Variants in POLR1A observed in about 807,000 individuals in gnomAD.
The protein encoded by POLR1A is DNA-directed RNA polymerase I subunit RPA1.
POLR1A carries 84 observed loss-of-function variants against 205.3 expected under a neutral mutation model. The ratio of observed to expected loss-of-function variants is 0.41; its 90% CI spans 0.34 to 0.49. The LOEUF (loss-of-function observed/expected upper bound fraction) is 0.49, where lower values mean the gene tolerates loss of function less well. POLR1A is among the 20% of genes least tolerant of loss of function. The probability of loss-of-function intolerance (pLI) is 0.22; values close to 1 mark genes in which losing one functional copy is unlikely to be tolerated. For synonymous variants in POLR1A, 799 were observed against 863.7 expected (o/e 0.93, Z 1.31); for missense variants, 1,645 against 2,204.5 (o/e 0.75, Z 5.08).
At chr2:86,084,893 C>T (rs1361050553) in intron 6 of POLR1A, among the ~76,000 whole-genome samples, 3 of 152,130 alleles carry the variant, frequency 2.0e-5, no homozygotes, top group Non-Finnish European at 4.4e-5. Context: ...AAATCCCTAA[C>T]TTGGAGAACA....
Position 86,024,181 on chromosome 2 carries a change from A to G in POLR1A, c.*3242T>C. The G allele has an allele frequency of 5.6e-6, 1 of 179,382 alleles. No homozygotes were observed. Among genetic ancestry groups the G allele is most frequent in the Non-Finnish European group, 1.2e-5 (1 of 84,022 alleles). The allele number at this position is 179,382 out of a possible 1,614,324, so 11.1% of individuals were successfully genotyped here. On this transcript the variant is annotated 3_prime_UTR_variant, in exon 34 of 34. Coordinates refer to ENST00000263857, the MANE Select transcript of POLR1A (RefSeq NM_015425.6). Reference sequence around the variant, plus strand: ...CACATGAGGAGGTATCAGCAGCCTCAAGCAAGAAGGCAATTCTGACACATG... The same window carrying G: ...CACATGAGGAGGTATCAGCAGCCTCGAGCAAGAAGGCAATTCTGACACATG...
Position 86,028,546 on chromosome 2 carries a change from C to A in POLR1A, c.4897+48G>T. The A allele has an allele frequency of 7.2e-7, 1 of 1,394,966 alleles. No homozygotes were observed. Among genetic ancestry groups the A allele is most frequent in the Non-Finnish European group, 1.0e-6 (1 of 980,028 alleles). 86.4% of individuals were successfully genotyped at this position (1,394,966 alleles called of 1,614,324 possible). ...ACCCTCCTGCCGAGCCTTCTGGTGT[C>A]CTGGCTGGTGCCCAGACCTCGGGGT... On this transcript the variant is annotated intron_variant, in intron 32 of 33. Coordinates refer to ENST00000263857, the MANE Select transcript of POLR1A (RefSeq NM_015425.6). This position sits in a 1 kb window ranked among gnomAD's most constrained non-coding sequence, Gnocchi z 4.5.
At chr2:86,081,065 A>C in intron 8 of POLR1A, 87 bp from the exon 9 acceptor site, 2 of 1,225,188 alleles carry the variant, frequency 1.6e-6, no homozygotes, top group Non-Finnish European at 2.3e-6. Flanking sequence ...TACTGTAGGG[A>C]GCACACCCCA....
intron 6 of POLR1A, 110 bp downstream of exon 6, chr2:86,088,456 C>G: frequency 5.5e-6 from 4 of 726,414 alleles, no homozygotes; most frequent in Non-Finnish European, 9.4e-6. Context: ...CTGCTGGCCC[C>G]TCCCAAATGC....
chr2:86,097,451 T>C (rs1255172150), intron 3 of POLR1A, among the ~76,000 whole-genome samples: 30 of 152,164 alleles, frequency 2.0e-4, no homozygotes, highest in Non-Finnish European at 4.0e-4. Context: ...CCCATGGTTA[T>C]TGCAGCACTA....
chr2:86,101,093 C>T (rs952495070), intron 1 of POLR1A, among the ~76,000 whole-genome samples: 5 of 152,174 alleles, frequency 3.3e-5, no homozygotes, highest in Admixed American at 2.0e-4. Context: ...TTAGTCAAAC[C>T]TTAAAAAAGG....
At chr2:86,060,433 A>G (rs1672973975) in intron 14 of POLR1A, among the ~76,000 whole-genome samples, 1 of 152,192 alleles carries the variant, frequency 6.6e-6, no homozygotes, top group African/African-American at 2.4e-5. Context: ...AAAGCTGTAG[A>G]CTTTTACTAT....
At position 86,032,270 on chromosome 2, in the gene POLR1A, ACCT is replaced by A. The variant is rs1038600974; in HGVS notation, c.4271_4272+1del. 7 of 1,595,612 alleles carry A rather than the reference ACCT, an allele frequency of 4.4e-6. No individual in the cohort carries two copies. The highest frequency in any genetic ancestry group is 1.3e-5 in the African/African-American group (1 of 74,506). The stretch of plus-strand genomic sequence containing the variant: ...TCCTTCACCCCACACAGGGTCTCTC[ACCT>A]CCTCCTCCTGCTTCTCCTTGCGTTT... On this transcript the variant is annotated splice_donor_variant and coding_sequence_variant, in exon 29 of 34. Transcript: ENST00000263857. LOFTEE classifies it high-confidence loss of function.
chr2:86,065,498 G>GTC (rs1156402726), intron 13 of POLR1A, 33 bp from the exon 14 acceptor site: 1 of 1,584,238 alleles, frequency 6.3e-7, no homozygotes, highest in South Asian at 1.1e-5. Context: ...CAAGAAGAAT[G>GTC]AAAATAAATC....
At chr2:86,047,460 C>T (rs1286707246) in intron 18 of POLR1A, among the ~76,000 whole-genome samples, 197 bp from the exon 19 acceptor site, 2 of 152,246 alleles carry the variant, frequency 1.3e-5, no homozygotes, top group African/African-American at 4.8e-5. Context: ...CAAACAGGTG[C>T]TCCCTGCCCT....
chr2:86,083,204 C>A, intron 6 of POLR1A, 36 bp from the exon 7 acceptor site: 1 of 1,398,472 alleles, frequency 7.2e-7, no homozygotes, highest in South Asian at 1.2e-5. Context: ...TGCAATAAAT[C>A]AGAAACAGGT....
At chr2:86,033,858 T>G (rs1672446799) in intron 27 of POLR1A, 71 bp from the exon 28 acceptor site, 2 of 1,571,434 alleles carry the variant, frequency 1.3e-6, no homozygotes, top group Non-Finnish European at 1.7e-6. Flanking sequence ...ATTTGGGGGA[T>G]AGGACGCTGA....
In POLR1A at chr2:86,065,374, T is replaced by C. The variant is rs1673068719; in HGVS notation, c.1958A>G (p.Tyr653Cys). The change falls in exon 14 of 34, where the codon TAT becomes TGT. Residue 653 changes from tyrosine (Y) to cysteine (C), a missense_variant. By Grantham distance (194) the Tyr-to-Cys change is radical. This residue lies in a region of POLR1A where 339 missense variants were observed against 415.1 expected (regional missense o/e 0.82). Coordinates refer to ENST00000263857, the MANE Select transcript of POLR1A (RefSeq NM_015425.6). ...TRGCFFTREH[Y>C]MELVYRGLTD... Reference sequence around the variant, plus strand: ...GAGTCCTCGGTACACCAGCTCCATATAGTGCTCCCGGGTGAAAAAGCAACC... The same window carrying C: ...GAGTCCTCGGTACACCAGCTCCATACAGTGCTCCCGGGTGAAAAAGCAACC... The C allele has an allele frequency of 6.2e-7, 1 of 1,614,180 alleles. No homozygotes were observed. The highest frequency in any genetic ancestry group is 8.5e-7 in the Non-Finnish European group (1 of 1,180,020).
Position 86,023,213 on chromosome 2 carries a change from G to A in POLR1A, c.*4210C>T, listed in dbSNP as rs776008103. 7 of 152,246 alleles carry A rather than the reference G, an allele frequency of 4.6e-5. No homozygotes were observed. Among genetic ancestry groups the A allele is most frequent in the Admixed American group, 1.3e-4 (2 of 15,276 alleles). 9.4% of individuals were successfully genotyped at this position (152,246 alleles called of 1,614,324 possible). ...TTGAAGTAAAACTGCACCAGGGTCA[G>A]GAGACCTGCGGTAGGCCCAGCAACT... On this transcript the variant is annotated 3_prime_UTR_variant, in exon 34 of 34. Transcript: ENST00000263857.
intron 14 of POLR1A, among the ~76,000 whole-genome samples, chr2:86,059,845 C>T (rs1024004772): frequency 1.3e-5 from 2 of 151,838 alleles, no homozygotes; most frequent in African/African-American, 4.8e-5. Context: ...GGATAATAGG[C>T]ATAATCCACC....
At chr2:86,039,197 C>T (rs1157035173) in intron 26 of POLR1A, 130 bp downstream of exon 26, 1 of 995,888 alleles carries the variant, frequency 1.0e-6, no homozygotes, top group East Asian at 2.4e-5. Flanking sequence ...CTGGCAGAGA[C>T]AGCTTATCTC....
intron 27 of POLR1A, among the ~76,000 whole-genome samples, chr2:86,035,277 G>A (rs1254859567): frequency 6.6e-6 from 1 of 152,236 alleles, no homozygotes; most frequent in African/African-American, 2.4e-5. Flanking sequence ...ACCAGGCACT[G>A]GGGACAGGAA....
At chr2:86,044,355 G>A (rs776590203) in intron 21 of POLR1A, 51 bp from the exon 22 acceptor site, 8 of 1,604,006 alleles carry the variant, frequency 5.0e-6, no homozygotes, top group Middle Eastern at 3.3e-4. Context: ...CCTCCCCAGG[G>A]CAGCCTCTGA....
intron 3 of POLR1A, among the ~76,000 whole-genome samples, chr2:86,091,067 C>T (rs1673591994): frequency 2.6e-5 from 4 of 152,178 alleles, no homozygotes; most frequent in East Asian, 1.9e-4. Context: ...CATAGTAAGC[C>T]GGAACACAAA....
Sources: allele counts gnomAD v4.1 joint callset (sites outside exome capture counted in the v4.1 genomes callset), GRCh38; gene constraint gnomAD v4.1.1; regional missense constraint gnomAD v4.1.1; non-coding constraint Gnocchi (gnomAD v3.1); transcripts MANE v1.5; gene names NCBI Gene and HGNC (gene_info 2026-07-23, HGNC 2026-07-21).